The following GNG7 variants were observed in gnomAD, a reference collection of about 807,000 sequenced individuals.
The protein encoded by GNG7 is guanine nucleotide-binding protein G(I)/G(S)/G(O) subunit gamma-7.
A neutral mutation model predicts 4.0 loss-of-function variants in GNG7; 1 was observed. The observed-to-expected ratio is 0.25, with a 90% CI of 0.09 to 1.18. The LOEUF is 1.18. GNG7 is among the 50% of genes most tolerant of loss of function. The pLI, the probability that GNG7 is intolerant of heterozygous loss-of-function variation, is 0.50. For synonymous variants in GNG7, 34 were observed against 36.9 expected, an observed-to-expected ratio of 0.92 and a Z score of 0.29; for missense variants, 86 against 91.9, an observed-to-expected ratio of 0.94 and a Z score of 0.26.
rs1319533225 is a variant in GNG7 at position 2,512,754 on chromosome 19, A to C, written c.*2268T>G. 1 of 334,684 alleles carries C rather than the reference A, an allele frequency of 3.0e-6. No homozygotes were observed. The highest frequency in any genetic ancestry group is 1.7e-4 in the East Asian group (1 of 5,906). 20.7% of individuals were successfully genotyped at this position (334,684 alleles called of 1,614,324 possible). ...CGGGGATTAAGGCCTCTTTTAAGGA[A>C]AAACGGGGTGGGGTGTGTTTGTTCC... On this transcript the variant is annotated 3_prime_UTR_variant, in exon 5 of 5. Coordinates refer to ENST00000382159, the MANE Select transcript of GNG7 (RefSeq NM_052847.3). The surrounding 1 kb of genome is among the most constrained non-coding windows in gnomAD (Gnocchi z 4.7).
intron 2 of GNG7, among the ~76,000 whole-genome samples, chr19:2,620,226 AGAGGGGAGGGGAGGGGAGGG>A (rs1176135635): frequency 7.1e-5 from 4 of 56,534 alleles, no homozygotes; most frequent in Admixed American, 2.5e-4. Context: ...AGAAAAGAGG[AGAGGGGAGGGGAGGGGAGGG>A]GAGGGGAGGG....
Position 2,552,434 on chromosome 19 carries a change from G to A in GNG7, c.-38+2715C>T, listed in dbSNP as rs189629384. ...GAGTCTCGCTCTGTTGCCGAGGCTG[G>A]AGTACAATGGTGCGATCTCGGCTCA... On this transcript the variant is annotated intron_variant, in intron 3 of 4. Transcript: ENST00000382159. Among the ~76,000 whole-genome samples, 145 of 152,164 alleles carry A rather than the reference G, an allele frequency of 9.5e-4. 2 individuals carry two copies. Among genetic ancestry groups the A allele is most frequent in the African/African-American group, 3.2e-3 (134 of 41,526 alleles).
At chr19:2,553,649 T>C (rs117618245) in intron 3 of GNG7, among the ~76,000 whole-genome samples, 6,483 of 85,452 alleles carry the variant, frequency 0.076, 248 homozygotes, top group East Asian at 0.2. Flanking sequence ...ATATGTTATA[T>C]TACATACATG....
intron 1 of GNG7, among the ~76,000 whole-genome samples, chr19:2,678,903 C>T (rs1599458107): frequency 6.6e-6 from 1 of 152,242 alleles, no homozygotes; most frequent in Non-Finnish European, 1.5e-5. Context: ...ACGGTCCCTC[C>T]GATTTCCAGA....
chr19:2,642,116 G>A (rs1452400567), intron 2 of GNG7: 1 of 157,100 alleles, frequency 6.4e-6, no homozygotes, highest in African/African-American at 2.4e-5. Flanking sequence ...CCAGGCCCTC[G>A]GGGCTTAGTG....
intron 3 of GNG7, among the ~76,000 whole-genome samples, chr19:2,525,970 A>ATTTTTTTTTTTT (rs1568231777): frequency 2.6e-4 from 7 of 26,782 alleles, no homozygotes; most frequent in African/African-American, 2.0e-3. Context: ...CCTCCACGCC[A>ATTTTTTTTTTTT]ATTTTTTTTT....
At chr19:2,598,591 A>T (rs111287615) in intron 2 of GNG7, among the ~76,000 whole-genome samples, 6 of 151,754 alleles carry the variant, frequency 4.0e-5, no homozygotes, top group Non-Finnish European at 7.4e-5. Context: ...CAGGAGGCAG[A>T]GCTTGCAGTG....
At chr19:2,642,510 T>G (rs1460593186) in intron 2 of GNG7, 2 of 346,770 alleles carry the variant, frequency 5.8e-6, no homozygotes, top group Non-Finnish European at 1.1e-5. Flanking sequence ...GGATTTCAGG[T>G]GTGCACCACC....
At chr19:2,645,241 C>CTT (rs770830953) in intron 2 of GNG7, among the ~76,000 whole-genome samples, 1 of 111,044 alleles carries the variant, frequency 9.0e-6, no homozygotes, top group South Asian at 2.7e-4. Flanking sequence ...CTCTCTCTCT[C>CTT]TCTTTTTTTT....
intron 3 of GNG7, among the ~76,000 whole-genome samples, chr19:2,539,346 C>G (rs566087353): frequency 1.3e-5 from 2 of 150,100 alleles, no homozygotes. Context: ...CCTCTTGTCA[C>G]CCAGGCTGGA....
At chr19:2,530,085 G>A (rs1568233042) in intron 3 of GNG7, among the ~76,000 whole-genome samples, 1 of 152,262 alleles carries the variant, frequency 6.6e-6, no homozygotes, top group African/African-American at 2.4e-5. Context: ...TAGCAGCTAA[G>A]GACAAACCCA....
chr19:2,562,032 C>T (rs1037648356), intron 2 of GNG7, among the ~76,000 whole-genome samples: 6 of 152,064 alleles, frequency 3.9e-5, no homozygotes, highest in South Asian at 2.1e-4. Flanking sequence ...GGGAGACCAG[C>T]GGGTAATCCC....
chr19:2,670,620 TC>T (rs1983428103), intron 1 of GNG7, among the ~76,000 whole-genome samples: 1 of 151,758 alleles, frequency 6.6e-6, no homozygotes, highest in Admixed American at 6.5e-5. Context: ...GTCACTTTGG[TC>T]CAGGGTCTCC....
intron 2 of GNG7, among the ~76,000 whole-genome samples, chr19:2,597,008 C>T (rs1050025588): frequency 1.3e-5 from 2 of 152,016 alleles, no homozygotes; most frequent in African/African-American, 4.8e-5. Flanking sequence ...CCTGCAATCC[C>T]AGCACTTTTG....
At chr19:2,675,646 A>G (rs368114390) in intron 1 of GNG7, among the ~76,000 whole-genome samples, 12 of 152,280 alleles carry the variant, frequency 7.9e-5, no homozygotes, top group African/African-American at 2.9e-4. Flanking sequence ...TACAAAGAAA[A>G]ACATATGAAA....
rs1470994465 is a variant in GNG7, at chr19:2,590,614, CATCT to C, written c.-77-35430_-77-35427del. Among the ~76,000 whole-genome samples the C allele has an allele frequency of 9.1e-4, 116 of 127,300 alleles. 1 individual carries two copies. The highest frequency in any genetic ancestry group is 2.2e-3 in the East Asian group (6 of 2,744). 83.5% of individuals were successfully genotyped at this position (127,300 alleles called of 152,430 possible). A position where few individuals can be genotyped will look rare whatever the true frequency, so the allele number is the denominator to read the frequency against. ...CCACCCACCCACCCACCCATCCATC[CATCT>C]ATCCATTCATCCATCCATCCGTCCA... On this transcript the variant is annotated intron_variant, in intron 2 of 4. Transcript: ENST00000382159.
At chr19:2,694,869 T>TG (rs1352310333) in intron 1 of GNG7, among the ~76,000 whole-genome samples, 12 of 151,782 alleles carry the variant, frequency 7.9e-5, no homozygotes, top group Admixed American at 5.2e-4. Flanking sequence ...CCAGGGACGC[T>TG]GCTCGGCACC....
intron 3 of GNG7, 128 bp downstream of exon 3, chr19:2,555,021 G>C (rs763519915): frequency 4.6e-5 from 7 of 152,074 alleles, no homozygotes; most frequent in African/African-American, 7.2e-5. Flanking sequence ...TCTGAGCCCG[G>C]AGCCCTTTTA....
chr19:2,657,062 G>T (rs987205358), intron 1 of GNG7, among the ~76,000 whole-genome samples: 7 of 151,720 alleles, frequency 4.6e-5, no homozygotes, highest in Non-Finnish European at 8.8e-5. Flanking sequence ...TTACAGGCGC[G>T]GTGGCTCATG....
Sources: gnomAD v4.1 joint callset for allele counts (sites outside exome capture counted in the v4.1 genomes callset) on GRCh38, gnomAD v4.1.1 for gene constraint, Gnocchi (gnomAD v3.1) non-coding constraint, MANE v1.5 for transcripts, NCBI Gene and HGNC (gene_info 2026-07-23, HGNC 2026-07-21) for gene names.